The following PDGFRL variants were observed in gnomAD, a reference collection of about 807,000 sequenced individuals.
PDGFRL encodes the protein platelet derived growth factor receptor like, also known as platelet-derived growth factor receptor-like protein.
PDGFRL carries 46 observed loss-of-function variants against 37.2 expected under a neutral mutation model. That is an observed-to-expected ratio of 1.24 (90% CI 0.98 to 1.58). The LOEUF is 1.58. Ranked by LOEUF, PDGFRL falls within the 40% of genes most tolerant of loss-of-function variation. PDGFRL has a pLI of 0.00. For synonymous variants in PDGFRL, 251 were observed against 184.3 expected (o/e 1.36, Z -2.93); for missense variants, 692 against 467.6 (o/e 1.48, Z -4.43).
chr8:17,629,659 T>C (rs981649215), intron 4 of PDGFRL, among the ~76,000 whole-genome samples: 4 of 152,138 alleles, frequency 2.6e-5, no homozygotes, highest in Admixed American at 1.3e-4. Context: ...ACTCCATTTT[T>C]AGGGTGACTT....
intron 3 of PDGFRL, among the ~76,000 whole-genome samples, chr8:17,622,729 G>C (rs1245141293): frequency 6.6e-6 from 1 of 152,128 alleles, no homozygotes; most frequent in Non-Finnish European, 1.5e-5. Context: ...CAAAAAGAGG[G>C]GTCCTGAAAG....
intron 4 of PDGFRL, among the ~76,000 whole-genome samples, chr8:17,631,037 T>A (rs1563528782): frequency 1.3e-5 from 2 of 152,072 alleles, no homozygotes; most frequent in African/African-American, 4.8e-5. Context: ...TGGGCCCTCT[T>A]TACTTCTCGA....
chr8:17,582,703 G>A (rs1408047294), intron 1 of PDGFRL, among the ~76,000 whole-genome samples: 1 of 152,144 alleles, frequency 6.6e-6, no homozygotes, highest in Non-Finnish European at 1.5e-5. Context: ...CTGAAGCCTG[G>A]CCATGTGGCA....
At chr8:17,632,322 C>T (rs1027179583) in intron 4 of PDGFRL, among the ~76,000 whole-genome samples, 1 of 151,774 alleles carries the variant, frequency 6.6e-6, no homozygotes, top group South Asian at 2.1e-4. Flanking sequence ...TTTCTCCACT[C>T]CATTTTCCAC....
At chr8:17,588,437 G>A (rs1803861861) in intron 1 of PDGFRL, among the ~76,000 whole-genome samples, 1 of 152,058 alleles carries the variant, frequency 6.6e-6, no homozygotes, top group South Asian at 2.1e-4. Context: ...AGCACTTTGG[G>A]AGGCCTACGT....
At chr8:17,636,493 A>C (rs574607413) in intron 5 of PDGFRL, among the ~76,000 whole-genome samples, 1 of 151,234 alleles carries the variant, frequency 6.6e-6, no homozygotes, top group East Asian at 1.9e-4. Context: ...TACCAGTACC[A>C]TGCTGTTTTG....
chr8:17,632,638 C>G (rs1047068981), intron 4 of PDGFRL, among the ~76,000 whole-genome samples: 1 of 152,172 alleles, frequency 6.6e-6, no homozygotes, highest in African/African-American at 2.4e-5. Flanking sequence ...TGCCCGTTCC[C>G]TGATTTTAAT....
intron 5 of PDGFRL, among the ~76,000 whole-genome samples, chr8:17,636,058 T>G (rs931077194): frequency 1.3e-5 from 2 of 152,252 alleles, no homozygotes; most frequent in African/African-American, 4.8e-5. Context: ...TTTCTCCCAC[T>G]CTGTGGGTTG....
At position 17,623,286 on chromosome 8, in the gene PDGFRL, G is replaced by A. The variant is rs1265116951; in HGVS notation, c.505+2084G>A. 6.6e-5 allele frequency among the ~76,000 whole-genome samples: 10 copies of A among 152,276 alleles called. No individual in the cohort carries two copies. In the East Asian group the frequency reaches 1.9e-3, roughly 29 times the overall value. ...CCAGATTCTAGCTAGCATAACTGGTGTTGTCAGGAGAATTGCTAATAATTG... is the reference window on the plus strand; with the variant it reads ...CCAGATTCTAGCTAGCATAACTGGTATTGTCAGGAGAATTGCTAATAATTG... On this transcript the variant is annotated intron_variant, in intron 3 of 5. Transcript: ENST00000251630.
intron 1 of PDGFRL, among the ~76,000 whole-genome samples, chr8:17,583,960 C>T (rs560396439): frequency 6.6e-6 from 1 of 152,300 alleles, no homozygotes; most frequent in Admixed American, 6.5e-5. Context: ...ATAAATGATT[C>T]AGCCTCAGCT....
intron 5 of PDGFRL, among the ~76,000 whole-genome samples, chr8:17,635,402 G>C (rs1409889126): frequency 6.7e-6 from 1 of 150,372 alleles, no homozygotes; most frequent in Non-Finnish European, 1.5e-5. Context: ...TTTTCCATTT[G>C]TGAATTACTT....
At chr8:17,630,273 A>G (rs753371674) in intron 4 of PDGFRL, among the ~76,000 whole-genome samples, 2 of 152,228 alleles carry the variant, frequency 1.3e-5, no homozygotes, top group African/African-American at 2.4e-5. Flanking sequence ...CTGAAACATG[A>G]TCAGTCTCTC....
chr8:17,640,587 G>T (rs1805070396), intron 5 of PDGFRL, among the ~76,000 whole-genome samples: 1 of 152,110 alleles, frequency 6.6e-6, no homozygotes, highest in African/African-American at 2.4e-5. Context: ...CTGGGCTCTG[G>T]GCTGGTACTT....
At chr8:17,640,735 T>C (rs2129861623) in intron 5 of PDGFRL, among the ~76,000 whole-genome samples, 1 of 152,204 alleles carries the variant, frequency 6.6e-6, no homozygotes, top group South Asian at 2.1e-4. Flanking sequence ...TTTATTGCAC[T>C]AGTTTTGTGT....
At chr8:17,592,560 G>C (rs76913004) in intron 2 of PDGFRL, among the ~76,000 whole-genome samples, 2,158 of 152,274 alleles carry the variant, frequency 0.014, 46 homozygotes, top group African/African-American at 0.049. Context: ...ATCTCGATCA[G>C]ACACTCTGCT....
intron 5 of PDGFRL, 46 bp from the exon 6 acceptor site, chr8:17,642,567 G>T: frequency 1.2e-5 from 14 of 1,193,142 alleles, no homozygotes; most frequent in Non-Finnish European, 1.8e-5. Flanking sequence ...GCTCTTTATA[G>T]CAGCTTGTCC....
intron 1 of PDGFRL, among the ~76,000 whole-genome samples, chr8:17,585,341 C>T (rs1803792378): frequency 6.6e-6 from 1 of 152,066 alleles, no homozygotes; most frequent in African/African-American, 2.4e-5. Flanking sequence ...CCTTATTTTA[C>T]CCAGCCCCTA....
chr8:17,632,771 C>T (rs1284578792), intron 4 of PDGFRL, among the ~76,000 whole-genome samples: 1 of 152,170 alleles, frequency 6.6e-6, no homozygotes, highest in Non-Finnish European at 1.5e-5. Flanking sequence ...TCCTCCCTCC[C>T]CTCCTCTCCC....
intron 4 of PDGFRL, 109 bp from the exon 5 acceptor site, chr8:17,633,965 G>A (rs984884133): frequency 1.1e-4 from 123 of 1,148,296 alleles, no homozygotes; most frequent in Non-Finnish European, 1.5e-4. Context: ...AGGGAGCTGT[G>A]AGAAAGGCAG....
Sources: allele counts gnomAD v4.1 joint callset (sites outside exome capture counted in the v4.1 genomes callset), GRCh38; gene constraint gnomAD v4.1.1; transcripts MANE v1.5; gene names NCBI Gene and HGNC (gene_info 2026-07-23, HGNC 2026-07-21).